SYT17: variants seen among roughly 807,000 people sequenced by gnomAD.
SYT17 encodes synaptotagmin-17.
In SYT17, 22 loss-of-function variants were observed where a neutral mutation model predicts 46.7. The ratio of observed to expected loss-of-function variants is 0.47; its 90% CI spans 0.34 to 0.67. The LOEUF is 0.67. SYT17 is among the 30% of genes least tolerant of loss of function. The pLI is 0.01. For synonymous variants in SYT17, 251 were observed against 248.4 expected, an observed-to-expected ratio of 1.01 and a Z score of -0.10; for missense variants, 519 against 612.8, an observed-to-expected ratio of 0.85 and a Z score of 1.62.
At chr16:19,253,729 CTTTT>C (rs967915685) in intron 7 of SYT17, among the ~76,000 whole-genome samples, 1 of 151,510 alleles carries the variant, frequency 6.6e-6, no homozygotes, top group African/African-American at 2.4e-5. Context: ...TTTCAATTCT[CTTTT>C]TTTTTCTTCT....
intron 5 of SYT17, among the ~76,000 whole-genome samples, chr16:19,186,082 G>A (rs1964777822): frequency 6.6e-6 from 1 of 152,154 alleles, no homozygotes. Flanking sequence ...TGCGGGAGCA[G>A]GTTTCTCCCA....
chr16:19,177,392 C>A (rs1014072315), intron 3 of SYT17, among the ~76,000 whole-genome samples: 6 of 152,214 alleles, frequency 3.9e-5, no homozygotes, highest in African/African-American at 2.4e-5. Context: ...GTGCTTAATA[C>A]AGTTTTGACA....
intron 5 of SYT17, among the ~76,000 whole-genome samples, chr16:19,193,385 T>A (rs937323755): frequency 2.0e-5 from 3 of 152,228 alleles, no homozygotes; most frequent in African/African-American, 7.2e-5. Flanking sequence ...GAAGAAAATA[T>A]GTTTAGTCAA....
intron 5 of SYT17, among the ~76,000 whole-genome samples, chr16:19,221,029 A>C (rs1966296579): frequency 6.8e-6 from 1 of 147,360 alleles, no homozygotes; most frequent in African/African-American, 2.5e-5. Context: ...TCAACTCTTA[A>C]AAAAAAAAAA....
intron 7 of SYT17, among the ~76,000 whole-genome samples, chr16:19,250,378 T>C (rs974731393): frequency 5.6e-4 from 84 of 150,124 alleles, no homozygotes; most frequent in Non-Finnish European, 1.6e-4. Context: ...TGTGTGTGTG[T>C]GTGTGTGTGT....
At position 19,267,122 on chromosome 16, in the gene SYT17, A is replaced by AAAG; in HGVS notation, c.*47_*48insAGA. 2 of 1,475,752 alleles carry AAAG rather than the reference A, an allele frequency of 1.4e-6. No homozygotes were observed. Among genetic ancestry groups the AAAG allele is most frequent in the Non-Finnish European group, 1.8e-6 (2 of 1,110,318 alleles). 91.4% of individuals were successfully genotyped at this position (1,475,752 alleles called of 1,614,324 possible). On this transcript the variant is annotated 3_prime_UTR_variant, in exon 8 of 8. Coordinates refer to ENST00000355377, the MANE Select transcript of SYT17 (RefSeq NM_016524.4). ...TTCATTTGTTTAAAAAAAAAAAAAA[A>AAAG]AGACGGAAAAAAATGTGTCACATAC... is the stretch of plus-strand genomic sequence containing the variant.
chr16:19,253,453 C>G (rs990709387), intron 7 of SYT17, among the ~76,000 whole-genome samples: 1 of 151,920 alleles, frequency 6.6e-6, no homozygotes, highest in African/African-American at 2.4e-5. Context: ...TGCCTGTAGT[C>G]CCAGGTCCTT....
Position 19,183,608 on chromosome 16 carries a change from C to A in SYT17, c.412C>A (p.Pro138Thr). The change falls in exon 5 of 8, where the codon CCC becomes ACC. Residue 138 changes from proline (P) to threonine (T), a missense_variant. Physicochemically the swap from Pro to Thr is conservative, Grantham distance 38. Transcript: ENST00000355377. This position sits in a 1 kb window ranked among gnomAD's most constrained non-coding sequence, Gnocchi z 5.6. ...EFGVLSAKKE[P>T]IQPSVLRRTY... The stretch of plus-strand genomic sequence containing the variant: ...TGGCGTTCTCAGCGCCAAGAAGGAG[C>A]CCATCCAACCTTCGGTGCTCAGACG... 1 of 1,614,190 alleles carries A rather than the reference C, an allele frequency of 6.2e-7. No homozygotes were observed. The highest frequency in any genetic ancestry group is 8.5e-7 in the Non-Finnish European group (1 of 1,180,032).
intron 3 of SYT17, among the ~76,000 whole-genome samples, chr16:19,177,981 T>C (rs17312221): frequency 0.091 from 13,911 of 152,276 alleles, 662 homozygotes; most frequent in Admixed American, 0.11. Flanking sequence ...GTTCTGCCTT[T>C]TAACAGTGGT....
chr16:19,262,738 CCTTGCAGAGGTAG>C (rs1234257962), intron 7 of SYT17, among the ~76,000 whole-genome samples: 2 of 152,314 alleles, frequency 1.3e-5, no homozygotes, highest in Admixed American at 6.5e-5. Context: ...AGCTGAGCCT[CCTTGCAGAGGTAG>C]CTTGCAGAGG....
intron 7 of SYT17, among the ~76,000 whole-genome samples, chr16:19,266,273 C>A (rs1023759466): frequency 6.6e-6 from 1 of 152,216 alleles, no homozygotes; most frequent in South Asian, 2.1e-4. Flanking sequence ...ATGCATTGGC[C>A]TCCGCAGGGG....
At chr16:19,190,536 AC>A (rs1423719882) in intron 5 of SYT17, among the ~76,000 whole-genome samples, 7 of 151,900 alleles carry the variant, frequency 4.6e-5, no homozygotes, top group Non-Finnish European at 8.8e-5. Context: ...CAAAACTGAA[AC>A]CCTACACCCA....
In SYT17 at chr16:19,183,282, G is replaced by T. The variant is rs1253200652; in HGVS notation, c.332-246G>T. Among the ~76,000 whole-genome samples the T allele has an allele frequency of 6.6e-6, 1 of 152,212 alleles. No homozygotes were observed. The highest frequency in any genetic ancestry group is 2.4e-5 in the African/African-American group (1 of 41,460). ...ATGTGAAGATTGTGATTGCACATAT[G>T]CGATGATGTAGTGTACACAGTCCAT... is the stretch of plus-strand genomic sequence containing the variant. On this transcript the variant is annotated intron_variant, in intron 4 of 7. Transcript: ENST00000355377. The surrounding 1 kb of genome is among the most constrained non-coding windows in gnomAD (Gnocchi z 5.6).
intron 4 of SYT17, among the ~76,000 whole-genome samples, chr16:19,182,057 A>G (rs371480242): frequency 2.0e-4 from 31 of 152,006 alleles, no homozygotes; most frequent in African/African-American, 7.0e-4. Context: ...ATATTTTTAT[A>G]TTGGTTCCAT....
Position 19,217,426 on chromosome 16 carries a change from A to G in SYT17, c.952-5619A>G, listed in dbSNP as rs140612671. Among the ~76,000 whole-genome samples the G allele has an allele frequency of 6.5e-3, 988 of 152,142 alleles. 15 individuals are homozygous for G. The highest frequency in any genetic ancestry group is 0.022 in the African/African-American group (932 of 41,486). ...AATCACTCATCTACTTTCTATCTCT[A>G]TGGATTTACCTATTCTGGATATTTT... On this transcript the variant is annotated intron_variant, in intron 5 of 7. Transcript: ENST00000355377.
chr16:19,247,943 T>C lies in SYT17; in HGVS notation c.1229-18937T>C, dbSNP rs138865992. On this transcript the variant is annotated intron_variant, in intron 7 of 7. Transcript: ENST00000355377. ...GTCAAGAAAATAAAAAGCCAAGCCATGCCCTGAGAGAAATTTTTGGCAAAA... is the reference window on the plus strand; with the variant it reads ...GTCAAGAAAATAAAAAGCCAAGCCACGCCCTGAGAGAAATTTTTGGCAAAA... Among the ~76,000 whole-genome samples the C allele has an allele frequency of 6.4e-4, 97 of 152,274 alleles. No homozygotes were observed. The East Asian group carries it at 0.011, about 17-fold the overall frequency.
At chr16:19,251,092 C>T (rs1968027958) in intron 7 of SYT17, among the ~76,000 whole-genome samples, 1 of 152,148 alleles carries the variant, frequency 6.6e-6, no homozygotes, top group Admixed American at 6.5e-5. Context: ...ATTTACATAT[C>T]CATTCTAGTA....
At chr16:19,228,886 T>C (rs1261876856) in intron 7 of SYT17, among the ~76,000 whole-genome samples, 3 of 152,240 alleles carry the variant, frequency 2.0e-5, no homozygotes, top group Non-Finnish European at 4.4e-5. Context: ...AAGGTTGGTC[T>C]GCAATTTAGC....
chr16:19,257,650 G>A (rs755866429), intron 7 of SYT17, among the ~76,000 whole-genome samples: 1 of 152,162 alleles, frequency 6.6e-6, no homozygotes, highest in Non-Finnish European at 1.5e-5. Flanking sequence ...GGGACCTCTC[G>A]GCCATGAGGA....
Sources: gnomAD v4.1 joint callset for allele counts (sites outside exome capture counted in the v4.1 genomes callset) on GRCh38, gnomAD v4.1.1 for gene constraint, Gnocchi (gnomAD v3.1) non-coding constraint, MANE v1.5 for transcripts, NCBI Gene and HGNC (gene_info 2026-07-23, HGNC 2026-07-21) for gene names.